MYO9A: variants seen among roughly 807,000 people sequenced by gnomAD.
The protein encoded by MYO9A is unconventional myosin-IXa.
A neutral mutation model predicts 293.3 loss-of-function variants in MYO9A; 103 were observed. The observed-to-expected ratio is 0.35, with a 90% confidence interval of 0.30 to 0.41. MYO9A has a LOEUF of 0.41. Among genes scored for constraint, MYO9A ranks in the 10% least tolerant of loss-of-function variants. The pLI is 1.00. For missense variants in MYO9A, 2,685 were observed against 3,033.0 expected, an observed-to-expected ratio of 0.89 and a Z score of 2.69; for synonymous variants, 1,001 against 1,035.7, an observed-to-expected ratio of 0.97 and a Z score of 0.64.
chr15:72,018,751 A>C (rs2077413480), intron 6 of MYO9A, among the ~76,000 whole-genome samples: 3 of 152,240 alleles, frequency 2.0e-5, no homozygotes, highest in Admixed American at 2.0e-4. Context: ...AGCAATGATG[A>C]AGAATCAGGA....
At chr15:72,028,446 G>A (rs554887370) in intron 3 of MYO9A, among the ~76,000 whole-genome samples, 4 of 150,270 alleles carry the variant, frequency 2.7e-5, no homozygotes, top group African/African-American at 4.9e-5. Flanking sequence ...TCAGGAGTTC[G>A]AGACCAGCCT....
intron 11 of MYO9A, among the ~76,000 whole-genome samples, chr15:71,983,310 C>G (rs2076320430): frequency 6.6e-6 from 1 of 151,354 alleles, no homozygotes; most frequent in Non-Finnish European, 1.5e-5. Flanking sequence ...AAACATGTAT[C>G]CTTAACTTAT....
At chr15:71,933,772 T>C in intron 17 of MYO9A, 63 bp from the exon 18 acceptor site, 3 of 1,380,392 alleles carry the variant, frequency 2.2e-6, no homozygotes, top group Non-Finnish European at 3.0e-6. Flanking sequence ...AAAGCTACTG[T>C]AGAGAAGAAA....
intron 13 of MYO9A, 70 bp downstream of exon 13, chr15:71,967,914 G>T (rs1374107043): frequency 3.0e-5 from 42 of 1,384,470 alleles, no homozygotes; most frequent in Non-Finnish European, 4.0e-5. Context: ...CTACAAAGAG[G>T]GCAGTGTGCT....
At chr15:72,100,653 C>A (rs2080249887) in intron 1 of MYO9A, among the ~76,000 whole-genome samples, 1 of 151,660 alleles carries the variant, frequency 6.6e-6, no homozygotes, top group Non-Finnish European at 1.5e-5. Flanking sequence ...CCCGCCACGA[C>A]CCCGTCTGGG....
At chr15:72,053,742 C>A (rs939170753) in intron 1 of MYO9A, among the ~76,000 whole-genome samples, 24 of 152,160 alleles carry the variant, frequency 1.6e-4, no homozygotes, top group African/African-American at 5.8e-4. Context: ...AATCTGTACA[C>A]CAAACCCCTG....
At chr15:71,843,818 A>G (rs1055581831) in intron 39 of MYO9A, among the ~76,000 whole-genome samples, 3 of 152,166 alleles carry the variant, frequency 2.0e-5, no homozygotes, top group Non-Finnish European at 4.4e-5. Flanking sequence ...CCCAGGAGGA[A>G]ATTGTTTTTA....
intron 12 of MYO9A, among the ~76,000 whole-genome samples, chr15:71,973,234 C>T (rs2147543860): frequency 6.6e-6 from 1 of 152,090 alleles, no homozygotes; most frequent in Middle Eastern, 3.4e-3. Context: ...GTAACTGCAC[C>T]CCACCCCACC....
At chr15:71,884,959 C>CTTTT (rs544597176) in intron 27 of MYO9A, among the ~76,000 whole-genome samples, 46 of 136,650 alleles carry the variant, frequency 3.4e-4, no homozygotes, top group African/African-American at 1.2e-3. Context: ...TTCTTTCTTC[C>CTTTT]TTTTTTTTTT....
In MYO9A at chr15:71,898,279, C is replaced by T. The variant is rs147168380; in HGVS notation, c.4224G>A (p.Leu1408=). The T allele has an allele frequency of 1.2e-6, 2 of 1,614,106 alleles. No homozygotes were observed. Among genetic ancestry groups the T allele is most frequent in the East Asian group, 2.2e-5 (1 of 44,884 alleles). ...GACTATTTGAAATGAAGGAGTCTTT[C>T]AGCTGTGGTTTACAGGTAATAGACT... ...SSESITCKPQ[L]KDSFISNSLP... is the part of the protein sequence containing the mutation. Residue 1408 remains leucine, a synonymous_variant, in exon 25 of 42, where the codon CTG becomes CTA. Transcript: ENST00000356056.
chr15:71,940,557 T>TAA (rs2058748758), intron 15 of MYO9A, among the ~76,000 whole-genome samples: 1 of 151,234 alleles, frequency 6.6e-6, no homozygotes. Flanking sequence ...ATGAAATTTT[T>TAA]AAAAGTATAA....
chr15:72,005,925 T>C (rs77252676), intron 8 of MYO9A, among the ~76,000 whole-genome samples: 3,471 of 152,254 alleles, frequency 0.023, 127 homozygotes, highest in African/African-American at 0.081. Context: ...TAATATTTTT[T>C]AAAAAAGCAA....
intron 39 of MYO9A, among the ~76,000 whole-genome samples, chr15:71,844,542 A>G (rs537644555): frequency 1.3e-5 from 2 of 152,260 alleles, no homozygotes; most frequent in Admixed American, 1.3e-4. Context: ...AGGATACCCT[A>G]TTTGAGGGAA....
chr15:71,924,530 A>C (rs2145235475), intron 18 of MYO9A, among the ~76,000 whole-genome samples: 1 of 152,158 alleles, frequency 6.6e-6, no homozygotes, highest in African/African-American at 2.4e-5. Context: ...GTGTGAGCCA[A>C]GGCCCCCGGC....
chr15:71,889,516 T>G (rs898519472), intron 26 of MYO9A: 2 of 141,140 alleles, frequency 1.4e-5, no homozygotes, highest in Non-Finnish European at 3.0e-5. Flanking sequence ...AGTGCAGTGG[T>G]ACAATCACAG....
rs1442685256 is a variant in MYO9A, at chr15:72,100,990, G to A, written c.-72+16690C>T. Among the ~76,000 whole-genome samples the A allele has an allele frequency of 1.3e-3, 174 of 130,952 alleles. 8 individuals carry two copies. Among genetic ancestry groups the A allele is most frequent in the African/African-American group, 3.5e-3 (125 of 35,930 alleles). 85.9% of individuals were successfully genotyped at this position (130,952 alleles called of 152,430 possible). ...AGGTGGGGGGGTCAGCCCCCCGCCT[G>A]GCCAGCCGCCCCGTCCGGGAGGGAG... On this transcript the variant is annotated intron_variant, in intron 1 of 41. Transcript: ENST00000356056.
At chr15:71,901,468 C>T (rs1023552920) in intron 22 of MYO9A, 128 bp from the exon 23 acceptor site, 6 of 914,246 alleles carry the variant, frequency 6.6e-6, no homozygotes, top group Non-Finnish European at 9.7e-6. Context: ...AAATGAAGTA[C>T]TGATAAATAT....
intron 19 of MYO9A, among the ~76,000 whole-genome samples, chr15:71,905,762 CAAA>C (rs3086807): frequency 5.6e-5 from 4 of 71,892 alleles, no homozygotes; most frequent in African/African-American, 1.8e-4. Context: ...GACTCTGTCT[CAAA>C]AAAAAAAAAA....
chr15:72,054,968 A>G (rs2078679483), intron 1 of MYO9A, among the ~76,000 whole-genome samples: 1 of 152,088 alleles, frequency 6.6e-6, no homozygotes, highest in African/African-American at 2.4e-5. Context: ...AGAATTTGAG[A>G]TAAGATGTGA....
Sources: gnomAD v4.1 joint callset for allele counts (sites outside exome capture counted in the v4.1 genomes callset) on GRCh38, gnomAD v4.1.1 for gene constraint, MANE v1.5 for transcripts, NCBI Gene and HGNC (gene_info 2026-07-23, HGNC 2026-07-21) for gene names.